The following STAT5B variants were observed in gnomAD, a reference collection of about 807,000 sequenced individuals.
STAT5B encodes signal transducer and activator of transcription 5B.
In STAT5B, 21 loss-of-function variants were observed where a neutral mutation model predicts 107.8. The observed-to-expected ratio is 0.19, with a 90% CI of 0.14 to 0.28. STAT5B has a LOEUF of 0.28. STAT5B is among the 10% of genes least tolerant of loss of function. The probability of loss-of-function intolerance (pLI) is 1.00; values close to 1 mark genes in which losing one functional copy is unlikely to be tolerated. For synonymous variants in STAT5B, 325 were observed against 401.7 expected (o/e 0.81, Z 2.28); for missense variants, 565 against 1,008.2 (o/e 0.56, Z 5.95).
At chr17:42,206,934 T>C (rs1295233651) in intron 16 of STAT5B, among the ~76,000 whole-genome samples, 2 of 150,360 alleles carry the variant, frequency 1.3e-5, no homozygotes, top group Non-Finnish European at 3.0e-5. Flanking sequence ...TGGAGTGTGG[T>C]GGCGTGGTCT....
At chr17:42,237,312 T>C (rs1037621199) in intron 1 of STAT5B, among the ~76,000 whole-genome samples, 4 of 152,196 alleles carry the variant, frequency 2.6e-5, no homozygotes, top group African/African-American at 7.2e-5. Flanking sequence ...TAAAAATGAA[T>C]GTCCACCACA....
In STAT5B at chr17:42,216,054, G is replaced by A. The variant is rs1555548678; in HGVS notation, c.1433C>T (p.Ala478Val). 6.2e-7 allele frequency: 1 copy of A among 1,613,742 alleles called. No individual in the cohort carries two copies. Among genetic ancestry groups the A allele is most frequent in the African/African-American group, 1.3e-5 (1 of 74,898 alleles). The change falls in exon 12 of 19, where the codon GCG becomes GTG. Residue 478 changes from alanine to valine, a missense_variant. By Grantham distance (64) the Ala-to-Val change is moderately conservative. Transcript: ENST00000293328. ...VIVHGSQDNN[A>V]TATVLWDNAF... ...ATTGTCCCAGAGAACAGTGGCCGTC[G>A]CATTGTTGTCCTGGCTGCCATGAAC...
At chr17:42,261,856 A>C (rs746903574) in intron 1 of STAT5B, among the ~76,000 whole-genome samples, 1 of 152,182 alleles carries the variant, frequency 6.6e-6, no homozygotes, top group Non-Finnish European at 1.5e-5. Flanking sequence ...CACCATGCCC[A>C]GCCAGATTTT....
chr17:42,236,041 T>A (rs908882472), intron 1 of STAT5B, among the ~76,000 whole-genome samples: 3 of 152,232 alleles, frequency 2.0e-5, no homozygotes, highest in Admixed American at 1.3e-4. Flanking sequence ...AAGAGTAGAA[T>A]GCTGAGCTCT....
intron 1 of STAT5B, among the ~76,000 whole-genome samples, chr17:42,233,133 A>G (rs1167257567): frequency 6.6e-6 from 1 of 152,128 alleles, no homozygotes; most frequent in Non-Finnish European, 1.5e-5. Flanking sequence ...CACTGCGCCC[A>G]GCTGAGAGAT....
rs143092033 is a variant in STAT5B at position 42,219,830 on chromosome 17, G to T, written c.563C>A (p.Pro188Gln). ...ESLRIQAQFG[P>Q]LAQLSPQERL... ...CTCCTGGGGGCTCAGCTGGGCCAGC[G>T]GGCCAAACTGAGCTAGAGGAGGGGA... The change falls in exon 6 of 19, where the codon CCG becomes CAG. Residue 188 changes from proline to glutamine, a missense_variant. Pro to Gln is a moderately conservative substitution (Grantham distance 76). Around this residue, in one of 11 missense-constraint regions of STAT5B, gnomAD observed 56 missense variants for 104.5 expected, o/e 0.54. Coordinates refer to ENST00000293328, the MANE Select transcript of STAT5B (RefSeq NM_012448.4). The T allele has an allele frequency of 2.7e-5, 44 of 1,614,010 alleles. No individual in the cohort carries two copies. Among genetic ancestry groups the T allele is most frequent in the Non-Finnish European group, 3.3e-5 (39 of 1,180,006 alleles).
chr17:42,218,401 G>T, intron 8 of STAT5B, 71 bp from the exon 9 acceptor site: 1 of 1,570,894 alleles, frequency 6.4e-7, no homozygotes. Context: ...GTCCCTCTGT[G>T]GTGGGGGTGG....
chr17:42,212,606 C>T (rs935569574), intron 12 of STAT5B, among the ~76,000 whole-genome samples: 6 of 152,170 alleles, frequency 3.9e-5, no homozygotes, highest in South Asian at 2.1e-4. Context: ...TGTGTACACA[C>T]GTGGAATCAT....
intron 1 of STAT5B, among the ~76,000 whole-genome samples, chr17:42,238,130 CCATCCATCCATCCAT>C (rs2080371735): frequency 6.6e-6 from 1 of 151,428 alleles, no homozygotes; most frequent in Non-Finnish European, 1.5e-5. Context: ...ATCCATCCAT[CCATCCATCCATCCAT>C]CCATCCGAGA....
At chr17:42,263,871 G>GCACACACACACACACA (rs3222522) in intron 1 of STAT5B, among the ~76,000 whole-genome samples, 3 of 144,936 alleles carry the variant, frequency 2.1e-5, no homozygotes, top group East Asian at 2.0e-4. Flanking sequence ...TAGAAAGCGC[G>GCACACACACACACACA]CACACACACA....
intron 8 of STAT5B, 132 bp from the exon 9 acceptor site, chr17:42,218,462 T>C (rs572570946): frequency 6.9e-7 from 1 of 1,452,482 alleles, no homozygotes; most frequent in South Asian, 1.3e-5. Context: ...ACAGCCTCTG[T>C]TCCTGGGGAA....
rs2080167947 is a variant in STAT5B at position 42,215,925 on chromosome 17, T to A, written c.1473+89A>T. The stretch of plus-strand genomic sequence containing the variant: ...GTGTGAGTCACTGCACCCGGCCTTT[T>A]CCTATGCTTTTTAAAAGGATAATAC... On this transcript the variant is annotated intron_variant, in intron 12 of 18. Transcript: ENST00000293328. 3 of 1,454,400 alleles carry A rather than the reference T, an allele frequency of 2.1e-6. No homozygotes were observed. In the South Asian group the frequency reaches 3.6e-5, roughly 18 times the overall value. 90.1% of individuals were successfully genotyped at this position (1,454,400 alleles called of 1,614,324 possible).
At chr17:42,277,340 C>T (rs2080774442), upstream of STAT5B, among the ~76,000 whole-genome samples, 1 of 152,154 alleles carries the variant, frequency 6.6e-6, no homozygotes, top group African/African-American at 2.4e-5. Flanking sequence ...AGAAGGACCC[C>T]TCCCGCCCCC....
rs141028136 is a variant in STAT5B, at chr17:42,200,708, G to C, written c.*1030C>G. On this transcript the variant is annotated 3_prime_UTR_variant, in exon 19 of 19. Coordinates refer to ENST00000293328, the MANE Select transcript of STAT5B (RefSeq NM_012448.4). ...AAGAGAGAATTTTGATGTCAAATTA[G>C]GGTGGCAAGGAGAAAACAAAAAAGA... is the stretch of plus-strand genomic sequence containing the variant. 2.3e-5 allele frequency: 4 copies of C among 174,142 alleles called. No individual in the cohort carries two copies. The East Asian group carries it at 4.4e-4, about 19-fold the overall frequency. The allele number at this position is 174,142 out of a possible 1,614,324, so 10.8% of individuals were successfully genotyped here.
chr17:42,207,675 G>T lies in STAT5B; in HGVS notation c.1960C>A (p.Arg654=). 6.2e-7 allele frequency: 1 copy of T among 1,614,112 alleles called. No individual in the cohort carries two copies. Among genetic ancestry groups the T allele is most frequent in the Non-Finnish European group, 8.5e-7 (1 of 1,180,024 alleles). ...TCTCCCAAGCGGTCGGCTAGGGACC[G>T]AATGGAGAAGTCTCTGGTGGTAAAA... is the stretch of plus-strand genomic sequence containing the variant. The part of the protein sequence containing the change: ...MPFTTRDFSI[R]SLADRLGDLN... Residue 654 remains arginine (R), a synonymous_variant, in exon 16 of 19, where the codon CGG becomes AGG. Coordinates refer to ENST00000293328, the MANE Select transcript of STAT5B (RefSeq NM_012448.4).
chr17:42,237,703 C>T (rs1284458255), intron 1 of STAT5B, among the ~76,000 whole-genome samples: 1 of 152,144 alleles, frequency 6.6e-6, no homozygotes, highest in African/African-American at 2.4e-5. Flanking sequence ...TCCTACCCCC[C>T]ATCCCAGGGC....
At chr17:42,214,968 G>C (rs1389723391) in intron 12 of STAT5B, among the ~76,000 whole-genome samples, 2 of 152,094 alleles carry the variant, frequency 1.3e-5, no homozygotes, top group South Asian at 2.1e-4. Flanking sequence ...GCCTAGGCTA[G>C]TCTGGAGCTC....
chr17:42,226,213 G>C (rs964685328), intron 3 of STAT5B, among the ~76,000 whole-genome samples: 2 of 152,104 alleles, frequency 1.3e-5, no homozygotes, highest in Admixed American at 1.3e-4. Context: ...GGGATTACTG[G>C]TGTGAGCCAC....
At chr17:42,245,923 T>A (rs572200963) in intron 1 of STAT5B, among the ~76,000 whole-genome samples, 1 of 152,284 alleles carries the variant, frequency 6.6e-6, no homozygotes, top group South Asian at 2.1e-4. Flanking sequence ...CCTCCCAAAC[T>A]GCTGGGATTA....
Sources: allele counts gnomAD v4.1 joint callset (sites outside exome capture counted in the v4.1 genomes callset), GRCh38; gene constraint gnomAD v4.1.1; regional missense constraint gnomAD v4.1.1; transcripts MANE v1.5; gene names NCBI Gene and HGNC (gene_info 2026-07-23, HGNC 2026-07-21).